Variants in PCDHA7 observed in about 807,000 individuals in gnomAD.
PCDHA7 encodes protocadherin alpha 7.
PCDHA7 carries 37 observed loss-of-function variants against 57.2 expected under a neutral mutation model. That is an observed-to-expected ratio of 0.65 (90% CI 0.50 to 0.85). PCDHA7 has a LOEUF of 0.85. Ranked by LOEUF, PCDHA7 falls within the 40% of genes least tolerant of loss-of-function variation. The pLI is 0.00. For synonymous variants in PCDHA7, 553 were observed against 558.8 expected (o/e 0.99, Z 0.15); for missense variants, 1,188 against 1,241.8 (o/e 0.96, Z 0.65).
chr5:140,882,199 G>A, intron 1 of PCDHA7: 1 of 1,526,968 alleles, frequency 6.5e-7, no homozygotes, highest in Non-Finnish European at 8.8e-7. Context: ...TAAAAATTGG[G>A]CCTTGAGAGA....
At chr5:140,941,194 T>TTTCTTC (rs2092780236) in intron 1 of PCDHA7, among the ~76,000 whole-genome samples, 5 of 112,438 alleles carry the variant, frequency 4.4e-5, no homozygotes, top group African/African-American at 1.8e-4. Flanking sequence ...TCTTTTTTTT[T>TTTCTTC]CTTTCTTCCT....
rs73266040 is a variant in PCDHA7 at position 140,926,675 on chromosome 5, C to G, written c.2356-52274C>G. 1.5e-3 allele frequency: 923 copies of G among 601,544 alleles called. 7 individuals carry two copies. The African/African-American group carries it at 0.016, about 11-fold the overall frequency. The allele number at this position is 601,544 out of a possible 1,614,324, so 37.3% of individuals were successfully genotyped here. ...TCCGCTTTCCCAGACGGCTGCCCAG[C>G]CTCCAGCCTAGCAAGCCCGGCTCCC... On this transcript the variant is annotated intron_variant, in intron 1 of 3. Coordinates refer to ENST00000525929, the MANE Select transcript of PCDHA7 (RefSeq NM_018910.3).
Position 140,838,640 on chromosome 5 carries a change from A to G in PCDHA7, c.2355+1902A>G, listed in dbSNP as rs1775814503. On this transcript the variant is annotated intron_variant, in intron 1 of 3. Coordinates refer to ENST00000525929, the MANE Select transcript of PCDHA7 (RefSeq NM_018910.3). ...TTTTTACAAATAATTTGGTTGGTCAAAAAAATGATAGTTAACGGGGCATGG... is the reference window on the plus strand; with the variant it reads ...TTTTTACAAATAATTTGGTTGGTCAGAAAAATGATAGTTAACGGGGCATGG... Among the ~76,000 whole-genome samples, 5 of 152,166 alleles carry G rather than the reference A, an allele frequency of 3.3e-5. 1 individual carries two copies. In the South Asian group the frequency reaches 8.3e-4, roughly 25 times the overall value.
chr5:140,853,659 A>T (rs1216918086), intron 1 of PCDHA7: 1 of 988,622 alleles, frequency 1.0e-6, no homozygotes, highest in African/African-American at 1.8e-5. Context: ...TGTTCCAGAC[A>T]AATTGGGGCC....
chr5:140,856,177 C>T (rs200004763), intron 1 of PCDHA7: 1 of 1,598,248 alleles, frequency 6.3e-7, no homozygotes, highest in Non-Finnish European at 8.6e-7. Context: ...ACGGCACCTT[C>T]GTGGGCCGCA....
In PCDHA7 at chr5:141,011,182, G is replaced by C. The variant is rs887034679; in HGVS notation, c.*1245G>C. The C allele has an allele frequency of 6.5e-6, 1 of 153,494 alleles. No individual in the cohort carries two copies. Among genetic ancestry groups the C allele is most frequent in the African/African-American group, 2.4e-5 (1 of 41,364 alleles). The allele number at this position is 153,494 out of a possible 1,614,324, so 9.5% of individuals were successfully genotyped here. A position where few individuals can be genotyped will look rare whatever the true frequency, so the allele number is the denominator to read the frequency against. On this transcript the variant is annotated 3_prime_UTR_variant, in exon 4 of 4. Coordinates refer to ENST00000525929, the MANE Select transcript of PCDHA7 (RefSeq NM_018910.3). The stretch of plus-strand genomic sequence containing the variant: ...TATATATCAAGACCCAAAAATTGAA[G>C]AAAAATATTGTTTTCTCATACAGTG...
chr5:140,850,045 T>A lies in PCDHA7; in HGVS notation c.2355+13307T>A, dbSNP rs782277317. 1.9e-6 allele frequency: 3 copies of A among 1,596,208 alleles called. No individual in the cohort carries two copies. Among genetic ancestry groups the A allele is most frequent in the Non-Finnish European group, 2.6e-6 (3 of 1,167,714 alleles). On this transcript the variant is annotated intron_variant, in intron 1 of 3. Transcript: ENST00000525929. ...TCAGTGCACGCGGAGAGCGGCAAGG[T>A]GTACGCGCTGCAGCCGTTGGACCAC... is the stretch of plus-strand genomic sequence containing the variant.
Position 141,010,119 on chromosome 5 carries a change from A to G in PCDHA7, c.*182A>G. 6.2e-7 allele frequency: 1 copy of G among 1,608,062 alleles called. No homozygotes were observed. On this transcript the variant is annotated 3_prime_UTR_variant, in exon 4 of 4. Transcript: ENST00000525929. ...TAACAGGTTTTGTCGTAAAAGCTTT[A>G]CTAAGTCTGGTGTTAACTCTTTCTC...
intron 1 of PCDHA7, among the ~76,000 whole-genome samples, chr5:140,964,719 C>T (rs1042863318): frequency 1.3e-5 from 2 of 151,420 alleles, no homozygotes; most frequent in Non-Finnish European, 2.9e-5. Flanking sequence ...ATCAAATTAC[C>T]ACAGCAAACT....
chr5:140,882,335 GCCTGGGAGACGGGTAGTGGCCAGCT>G (rs1554173599), intron 1 of PCDHA7: 11 of 1,614,078 alleles, frequency 6.8e-6, no homozygotes, highest in Non-Finnish European at 9.3e-6. Flanking sequence ...GATCCTCGCA[GCCTGGGAGACGGGTAGTGGCCAGCT>G]CCACTACTCC....
At chr5:140,927,651 C>A in intron 1 of PCDHA7, 2 of 1,614,216 alleles carry the variant, frequency 1.2e-6, no homozygotes, top group Non-Finnish European at 1.7e-6. Context: ...CTGTGTTATT[C>A]CGAGTTCAAG....
At chr5:140,894,457 T>C (rs2153447013) in intron 1 of PCDHA7, among the ~76,000 whole-genome samples, 1 of 152,166 alleles carries the variant, frequency 6.6e-6, no homozygotes, top group African/African-American at 2.4e-5. Flanking sequence ...AAAAAATATT[T>C]TACTTTTTAT....
At chr5:140,884,681 A>G (rs2060314464) in intron 1 of PCDHA7, 1 of 1,546,928 alleles carries the variant, frequency 6.5e-7, no homozygotes, top group Non-Finnish European at 8.7e-7. Flanking sequence ...ATATTTTAAA[A>G]AATTGTCTTA....
chr5:140,929,180 G>A, intron 1 of PCDHA7: 1 of 1,614,150 alleles, frequency 6.2e-7, no homozygotes, highest in Non-Finnish European at 8.5e-7. Context: ...CTGGGACTTG[G>A]TTCTGATAAT....
At chr5:140,869,226 C>T (rs1428940405) in intron 1 of PCDHA7, 5 of 1,613,644 alleles carry the variant, frequency 3.1e-6, no homozygotes, top group African/African-American at 1.3e-5. Context: ...AGGCCAAACA[C>T]GGCACCTTCG....
rs35184029 is a variant in PCDHA7 at position 140,997,668 on chromosome 5, TTGTGTG to T, written c.2504-11935_2504-11930del. Among the ~76,000 whole-genome samples the T allele has an allele frequency of 3.7e-4, 55 of 148,336 alleles. 1 individual carries two copies. The South Asian group carries it at 5.8e-3, about 16-fold the overall frequency. On this transcript the variant is annotated intron_variant, in intron 3 of 3. Coordinates refer to ENST00000525929, the MANE Select transcript of PCDHA7 (RefSeq NM_018910.3). ...AATGCAATATGTATTATTATACAGC[TTGTGTG>T]TGTGTGTGTGTGTGTGTGTGTGTAT...
At chr5:140,839,740 A>G (rs1357885958) in intron 1 of PCDHA7, among the ~76,000 whole-genome samples, 2 of 152,020 alleles carry the variant, frequency 1.3e-5, no homozygotes, top group South Asian at 4.1e-4. Flanking sequence ...AAATACCCTT[A>G]TTTGCCTTTC....
At chr5:140,976,753 G>A (rs2096729890) in intron 1 of PCDHA7, among the ~76,000 whole-genome samples, 1 of 152,130 alleles carries the variant, frequency 6.6e-6, no homozygotes. Context: ...CCTCCCAGAT[G>A]CCAGAAGCCT....
chr5:140,973,815 A>G (rs2096603789), intron 1 of PCDHA7, among the ~76,000 whole-genome samples: 1 of 152,224 alleles, frequency 6.6e-6, no homozygotes, highest in Admixed American at 6.5e-5. Flanking sequence ...CAGAATAGCA[A>G]AGTCAGTTCT....
Sources: allele counts gnomAD v4.1 joint callset (sites outside exome capture counted in the v4.1 genomes callset), GRCh38; gene constraint gnomAD v4.1.1; transcripts MANE v1.5; gene names NCBI Gene and HGNC (gene_info 2026-07-23, HGNC 2026-07-21).